Variants in BRD3 observed in about 807,000 individuals in gnomAD.
BRD3 encodes bromodomain-containing protein 3.
In BRD3, 17 loss-of-function variants were observed where a neutral mutation model predicts 66.8. The ratio of observed to expected loss-of-function variants is 0.25; its 90% CI spans 0.17 to 0.38. The LOEUF is 0.38. Ranked by LOEUF, BRD3 falls within the 10% of genes least tolerant of loss-of-function variation. The probability of loss-of-function intolerance (pLI) is 1.00; values close to 1 mark genes in which losing one functional copy is unlikely to be tolerated. For missense variants in BRD3, 713 were observed against 956.1 expected (o/e 0.75, Z 3.35); for synonymous variants, 421 against 393.2 (o/e 1.07, Z -0.84).
At chr9:134,042,311 T>C (rs958377015) in intron 7 of BRD3, among the ~76,000 whole-genome samples, 15 of 152,272 alleles carry the variant, frequency 9.9e-5, no homozygotes, top group African/African-American at 3.6e-4. Flanking sequence ...GTGTCTTCCC[T>C]TGAGCTTGGA....
At chr9:134,034,947 A>G in intron 10 of BRD3, 118 bp from the exon 11 acceptor site, 1 of 1,446,248 alleles carries the variant, frequency 6.9e-7, no homozygotes, top group Non-Finnish European at 9.4e-7. Flanking sequence ...CCAGCTGCCC[A>G]GCTTTCATGA....
intron 1 of BRD3, among the ~76,000 whole-genome samples, chr9:134,055,321 C>A (rs189498288): frequency 5.6e-4 from 86 of 152,294 alleles, no homozygotes; most frequent in African/African-American, 2.0e-3. Context: ...GAAAGCGAGT[C>A]CTGCCCCACC....
intron 1 of BRD3, among the ~76,000 whole-genome samples, chr9:134,054,669 G>A (rs1048717507): frequency 6.6e-6 from 1 of 152,202 alleles, no homozygotes; most frequent in African/African-American, 2.4e-5. Context: ...GCCGGCTCCG[G>A]CCCCAGAACC....
At chr9:134,066,226 C>G (rs971907192) in intron 1 of BRD3, among the ~76,000 whole-genome samples, 3 of 152,150 alleles carry the variant, frequency 2.0e-5, no homozygotes, top group African/African-American at 7.2e-5. Flanking sequence ...TGAGGCTACC[C>G]GGAAGGTCAG....
Position 134,041,786 on chromosome 9 carries a change from T to C in BRD3, c.1381A>G (p.Thr461Ala). 2 of 1,611,780 alleles carry C rather than the reference T, an allele frequency of 1.2e-6. No individual in the cohort carries two copies. The highest frequency in any genetic ancestry group is 2.2e-5 in the East Asian group (1 of 44,862). ...GSSDSEEERA[T>A]RLAELQEQLK... is the part of the protein sequence containing the mutation. The stretch of plus-strand genomic sequence containing the variant: ...TGCTCCTGCAGCTCCGCCAGCCTGG[T>C]GGCCCGCTCCTCCTCCGAGTCCGAG... The change falls in exon 8 of 12, where the codon ACC becomes GCC. Residue 461 changes from threonine (T) to alanine (A), a missense_variant. This residue lies in a region of BRD3 where 418 missense variants were observed against 609.3 expected (regional missense o/e 0.69). Transcript: ENST00000303407.
chr9:134,046,548 G>T (rs1420373859), intron 6 of BRD3, among the ~76,000 whole-genome samples: 1 of 152,216 alleles, frequency 6.6e-6, no homozygotes, highest in Non-Finnish European at 1.5e-5. Context: ...AGGGCTGGCA[G>T]AAAGAACCCG....
rs370323433 is a variant in BRD3, at chr9:134,055,306, A to T, written c.-113-1716T>A. Among the ~76,000 whole-genome samples, 21 of 152,252 alleles carry T rather than the reference A, an allele frequency of 1.4e-4. 1 individual carries two copies. Among genetic ancestry groups the T allele is most frequent in the Middle Eastern group, 3.4e-3 (1 of 294 alleles). ...ACCTCCCAGGGGCTCCACGTGACTC[A>T]GAGTGAAAGCGAGTCCTGCCCCACC... On this transcript the variant is annotated intron_variant, in intron 1 of 11. Coordinates refer to ENST00000303407, the MANE Select transcript of BRD3 (RefSeq NM_007371.4).
chr9:134,042,614 G>A (rs527513934), intron 7 of BRD3, among the ~76,000 whole-genome samples: 4 of 151,690 alleles, frequency 2.6e-5, no homozygotes, highest in Non-Finnish European at 5.9e-5. Flanking sequence ...TCCAGCCTGG[G>A]TGACAGAGTG....
At chr9:134,064,565 C>A (rs955471759) in intron 1 of BRD3, among the ~76,000 whole-genome samples, 1 of 151,460 alleles carries the variant, frequency 6.6e-6, no homozygotes, top group Non-Finnish European at 1.5e-5. Flanking sequence ...AATAAATGAG[C>A]TCTCAAGCAT....
At chr9:134,048,509 T>C (rs1031257356) in intron 5 of BRD3, 55 bp from the exon 6 acceptor site, 14 of 1,593,234 alleles carry the variant, frequency 8.8e-6, no homozygotes, top group South Asian at 1.1e-5. Context: ...CGAAGACGCA[T>C]GTCGCTGCAG....
rs1192319082 is a variant in BRD3 at position 134,051,877 on chromosome 9, G to T, written c.352-168C>A. Reference sequence around the variant, plus strand: ...TGTGTGTGTGTGTGTGTGTGTGTGTGTTGTTTTTTTTGTTTTTTTTTTTTT... The same window carrying T: ...TGTGTGTGTGTGTGTGTGTGTGTGTTTTGTTTTTTTTGTTTTTTTTTTTTT... On this transcript the variant is annotated intron_variant, in intron 3 of 11. Coordinates refer to ENST00000303407, the MANE Select transcript of BRD3 (RefSeq NM_007371.4). 5.1e-3 allele frequency among the ~76,000 whole-genome samples: 472 copies of T among 92,606 alleles called. 10 individuals carry two copies. Among genetic ancestry groups the T allele is most frequent in the African/African-American group, 0.023 (435 of 19,050 alleles). 60.8% of individuals were successfully genotyped at this position (92,606 alleles called of 152,430 possible). A position where few individuals can be genotyped will look rare whatever the true frequency, so the allele number is the denominator to read the frequency against.
At chr9:134,056,439 CCT>C (rs1464054066) in intron 1 of BRD3, among the ~76,000 whole-genome samples, 1 of 152,204 alleles carries the variant, frequency 6.6e-6, no homozygotes, top group Non-Finnish European at 1.5e-5. Context: ...CAAACCCTGC[CCT>C]CTGAGACACC....
chr9:134,039,797 G>C, intron 9 of BRD3, among the ~76,000 whole-genome samples: 1 of 152,222 alleles, frequency 6.6e-6, no homozygotes, highest in South Asian at 2.1e-4. Context: ...AGACCAGGCC[G>C]TGCCAGCGCT....
At chr9:134,059,214 C>T (rs567551184) in intron 1 of BRD3, among the ~76,000 whole-genome samples, 5 of 152,338 alleles carry the variant, frequency 3.3e-5, no homozygotes, top group South Asian at 2.1e-4. Flanking sequence ...CCCCCGCCCG[C>T]GGAAGCTGCT....
rs10661799 is a variant in BRD3, at chr9:134,060,587, GAC to G, written c.-113-6999_-113-6998del. On this transcript the variant is annotated intron_variant, in intron 1 of 11. Transcript: ENST00000303407. ...AGCCTGGATGTCAGAGCAAGACCCT[GAC>G]ACACACACACACACACACACACACA... Among the ~76,000 whole-genome samples, 685 of 143,788 alleles carry G rather than the reference GAC, an allele frequency of 4.8e-3. 9 individuals are homozygous for G. Among genetic ancestry groups the G allele is most frequent in the East Asian group, 0.014 (71 of 4,944 alleles). The allele number at this position is 143,788 out of a possible 152,430, so 94.3% of individuals were successfully genotyped here.
rs2132417478 is a variant in BRD3, at chr9:134,048,439, G to A, written c.730C>T (p.Arg244Trp). 6.3e-7 allele frequency: 1 copy of A among 1,598,526 alleles called. No homozygotes were observed. The highest frequency in any genetic ancestry group is 8.5e-7 in the Non-Finnish European group (1 of 1,179,890). ...PPVVKKKGVKRKADTTTPTTS... is the reference protein window; with the variant it reads ...PPVVKKKGVKWKADTTTPTTS... ...GTGGGAGTGGTTGTGTCTGCTTTCCGCTTCACGCCCTTTTTCTGCGACAGT... is the reference window on the plus strand; with the variant it reads ...GTGGGAGTGGTTGTGTCTGCTTTCCACTTCACGCCCTTTTTCTGCGACAGT... The change falls in exon 6 of 12, where the codon CGG becomes TGG. Residue 244 changes from arginine (R) to tryptophan (W), a missense_variant. Transcript: ENST00000303407.
At position 134,033,587 on chromosome 9, in the gene BRD3, A is replaced by G. The variant is rs893073088; in HGVS notation, c.*3T>C. The G allele has an allele frequency of 1.3e-6, 1 of 758,942 alleles. No homozygotes were observed. The highest frequency in any genetic ancestry group is 1.7e-5 in the African/African-American group (1 of 58,872). 47.0% of individuals were successfully genotyped at this position (758,942 alleles called of 1,614,324 possible). ...CATCTGTCCTGTTCTGTCCGAAGCC[A>G]GTTCATTCTGAGTCACTGCTGTCAG... is the stretch of plus-strand genomic sequence containing the variant. On this transcript the variant is annotated 3_prime_UTR_variant, in exon 12 of 12. Coordinates refer to ENST00000303407, the MANE Select transcript of BRD3 (RefSeq NM_007371.4). The surrounding 1 kb of genome is among the most constrained non-coding windows in gnomAD (Gnocchi z 5.1).
intron 8 of BRD3, among the ~76,000 whole-genome samples, chr9:134,040,813 G>A (rs1417062891): frequency 2.6e-5 from 4 of 152,226 alleles, no homozygotes; most frequent in Admixed American, 6.5e-5. Context: ...GCAGGACTCC[G>A]GGGTTAAAAC....
chr9:134,060,814 C>G (rs921658209), intron 1 of BRD3, among the ~76,000 whole-genome samples: 1 of 152,220 alleles, frequency 6.6e-6, no homozygotes, highest in African/African-American at 2.4e-5. Flanking sequence ...TGTGTGGCCC[C>G]AGGCAGGCCC....
Sources: gnomAD v4.1 joint callset for allele counts (sites outside exome capture counted in the v4.1 genomes callset) on GRCh38, gnomAD v4.1.1 for gene constraint, gnomAD v4.1.1 regional missense constraint, Gnocchi (gnomAD v3.1) non-coding constraint, MANE v1.5 for transcripts, NCBI Gene and HGNC (gene_info 2026-07-23, HGNC 2026-07-21) for gene names.